RALYL: variants seen among roughly 807,000 people sequenced by gnomAD.
The protein encoded by RALYL is RNA-binding Raly-like protein.
Under a neutral mutation model 35.1 loss-of-function variants are expected in RALYL, and 29 were observed. That is an observed-to-expected ratio of 0.83 (90% CI 0.61 to 1.13). The LOEUF is 1.13. Ranked by LOEUF, RALYL falls within the 50% of genes most tolerant of loss-of-function variation. The pLI is 0.00. For missense variants in RALYL, 359 were observed against 360.4 expected, an observed-to-expected ratio of 1.00 and a Z score of 0.03; for synonymous variants, 120 against 127.6, an observed-to-expected ratio of 0.94 and a Z score of 0.40.
chr8:84,918,457 G>A (rs937105397), intron 8 of RALYL, among the ~76,000 whole-genome samples: 1 of 151,978 alleles, frequency 6.6e-6, no homozygotes, highest in Non-Finnish European at 1.5e-5. Flanking sequence ...GGGAGAGATT[G>A]AGAGTTTAAA....
At chr8:84,364,553 A>G in intron 1 of RALYL, among the ~76,000 whole-genome samples, 1 of 152,280 alleles carries the variant, frequency 6.6e-6, no homozygotes, top group East Asian at 1.9e-4. Context: ...AAAAAGTTTA[A>G]TAACATGAAA....
chr8:84,836,779 C>T (rs916478495), intron 4 of RALYL, among the ~76,000 whole-genome samples: 40 of 152,264 alleles, frequency 2.6e-4, no homozygotes, highest in African/African-American at 9.4e-4. Flanking sequence ...TTCACCTTAT[C>T]CACGGGGAAG....
chr8:84,241,005 A>T (rs927680321), intron 1 of RALYL, among the ~76,000 whole-genome samples: 1 of 152,108 alleles, frequency 6.6e-6, no homozygotes, highest in African/African-American at 2.4e-5. Flanking sequence ...AGCTGTGTGT[A>T]TTAAAATAAT....
intron 1 of RALYL, among the ~76,000 whole-genome samples, chr8:84,452,133 A>G (rs536557672): frequency 6.6e-6 from 1 of 152,012 alleles, no homozygotes; most frequent in East Asian, 1.9e-4. Flanking sequence ...CTTTTTAACA[A>G]AAGTTTCTTA....
Position 84,912,552 on chromosome 8 carries a change from G to T in RALYL, c.859-8342G>T, listed in dbSNP as rs77772295. On this transcript the variant is annotated intron_variant, in intron 8 of 8. Coordinates refer to ENST00000521268, the MANE Select transcript of RALYL (RefSeq NM_173848.7). ...GCTAATTCCCTGTGCTCTTTCACTT[G>T]CTGATATTGTTAGCAGAAGAGGATC... 3.6e-3 allele frequency among the ~76,000 whole-genome samples: 546 copies of T among 152,110 alleles called. 1 individual carries two copies. Among genetic ancestry groups the T allele is most frequent in the African/African-American group, 0.012 (503 of 41,510 alleles).
At chr8:84,462,441 T>TAA (rs139249087) in intron 1 of RALYL, among the ~76,000 whole-genome samples, 15 of 143,488 alleles carry the variant, frequency 1.0e-4, no homozygotes, top group South Asian at 2.2e-4. Context: ...ACTCTCTTTG[T>TAA]AAAAAAAAAA....
chr8:84,522,485 G>A (rs1035490407), intron 1 of RALYL, among the ~76,000 whole-genome samples: 17 of 151,922 alleles, frequency 1.1e-4, no homozygotes, highest in Non-Finnish European at 1.5e-5. Flanking sequence ...TCCTGACCTC[G>A]TGATCCGCCC....
intron 4 of RALYL, among the ~76,000 whole-genome samples, chr8:84,806,824 C>A (rs1485159120): frequency 6.6e-6 from 1 of 152,080 alleles, no homozygotes; most frequent in African/African-American, 2.4e-5. Context: ...CCAGGCTGGA[C>A]AACATGGTGA....
chr8:84,463,935 T>A (rs1351990199), intron 1 of RALYL, among the ~76,000 whole-genome samples: 1 of 152,020 alleles, frequency 6.6e-6, no homozygotes, highest in Non-Finnish European at 1.5e-5. Context: ...CTGCTTTGTA[T>A]CCCTATAGTT....
At chr8:84,867,909 A>G (rs1312466863) in intron 6 of RALYL, among the ~76,000 whole-genome samples, 1 of 152,176 alleles carries the variant, frequency 6.6e-6, no homozygotes, top group Non-Finnish European at 1.5e-5. Flanking sequence ...AGGCACTTAT[A>G]TCTGGTCGGG....
At chr8:84,625,565 A>G (rs1289965901) in intron 2 of RALYL, among the ~76,000 whole-genome samples, 1 of 152,194 alleles carries the variant, frequency 6.6e-6, no homozygotes, top group Non-Finnish European at 1.5e-5. Flanking sequence ...TAACTTTTCT[A>G]AGTGCTTTAT....
rs768040778 is a variant in RALYL, at chr8:84,862,345, C to T, written c.463C>T (p.Pro155Ser). The part of the protein sequence containing the change: ...RVPPPPRAVI[P>S]LKRPRVAVTT... ...GCCTCCACCTCCCCGTGCAGTAATT[C>T]CGCTGAAGCGTCCCAGAGTGGCAGT... The change falls in exon 6 of 9, where the codon CCG (proline) becomes TCG (serine). Residue 155 changes from proline (P) to serine (S), a missense_variant. Pro to Ser is a moderately conservative substitution (Grantham distance 74). Coordinates refer to ENST00000521268, the MANE Select transcript of RALYL (RefSeq NM_173848.7). The T allele has an allele frequency of 6.9e-6, 11 of 1,604,618 alleles. No homozygotes were observed. The highest frequency in any genetic ancestry group is 2.7e-5 in the African/African-American group (2 of 74,274).
At chr8:84,799,978 A>T (rs1463325433) in intron 3 of RALYL, among the ~76,000 whole-genome samples, 1 of 152,178 alleles carries the variant, frequency 6.6e-6, no homozygotes, top group Non-Finnish European at 1.5e-5. Flanking sequence ...ATAAATAAAT[A>T]AAATAAGGGA....
chr8:84,919,909 A>G (rs1351905751), intron 8 of RALYL, among the ~76,000 whole-genome samples: 1 of 152,062 alleles, frequency 6.6e-6, no homozygotes, highest in Non-Finnish European at 1.5e-5. Context: ...ACATTCACTG[A>G]GTCTCTTTCA....
At chr8:84,598,230 A>C (rs1815057817) in intron 2 of RALYL, among the ~76,000 whole-genome samples, 1 of 152,124 alleles carries the variant, frequency 6.6e-6, no homozygotes, top group South Asian at 2.1e-4. Flanking sequence ...ACAGTGGTGC[A>C]GTCATAACTC....
intron 2 of RALYL, among the ~76,000 whole-genome samples, chr8:84,553,832 A>C (rs1564134845): frequency 6.6e-6 from 1 of 152,174 alleles, no homozygotes; most frequent in African/African-American, 2.4e-5. Context: ...TCTTACGTGT[A>C]TATCTATGTT....
intron 2 of RALYL, among the ~76,000 whole-genome samples, chr8:84,564,416 C>T (rs1402218532): frequency 6.6e-6 from 1 of 151,694 alleles, no homozygotes; most frequent in Admixed American, 6.6e-5. Flanking sequence ...CTTCACCCTG[C>T]ATTTTCATAA....
chr8:84,315,683 G>A (rs1210834309), intron 1 of RALYL, among the ~76,000 whole-genome samples: 1 of 151,944 alleles, frequency 6.6e-6, no homozygotes, highest in African/African-American at 2.4e-5. Flanking sequence ...ATATATTGAA[G>A]TACAATGAGA....
At chr8:84,678,991 T>C (rs1834803190) in intron 2 of RALYL, 2 of 306,042 alleles carry the variant, frequency 6.5e-6, no homozygotes, top group Non-Finnish European at 6.5e-6. Flanking sequence ...CTCAGTAGTG[T>C]TAAAGAGTCT....
Sources: gnomAD v4.1 joint callset for allele counts (sites outside exome capture counted in the v4.1 genomes callset) on GRCh38, gnomAD v4.1.1 for gene constraint, MANE v1.5 for transcripts, NCBI Gene and HGNC (gene_info 2026-07-23, HGNC 2026-07-21) for gene names.